The following NLGN4Y variants were observed in gnomAD, a reference collection of about 807,000 sequenced individuals.
NLGN4Y encodes neuroligin 4 Y-linked, also known as neuroligin-4, Y-linked.
Under a neutral mutation model 8.4 loss-of-function variants are expected in NLGN4Y, and 4 were observed. The ratio of observed to expected loss-of-function variants is 0.48; its 90% CI spans 0.23 to 1.09. The LOEUF (loss-of-function observed/expected upper bound fraction) is 1.09, where lower values mean the gene tolerates loss of function less well. NLGN4Y is among the 50% of genes least tolerant of loss of function. The pLI is 0.19. For missense variants in NLGN4Y, 90 were observed against 192.3 expected (o/e 0.47, Z 3.15); for synonymous variants, 35 against 75.6 (o/e 0.46, Z 2.78).
intron 1 of NLGN4Y, among the ~76,000 whole-genome samples, chrY:14,613,754 C>A: frequency 3.0e-5 from 1 of 33,671 alleles, no homozygotes; most frequent in Admixed American, 2.7e-4. Flanking sequence ...TACGTCCCTG[C>A]AAAGGACATG....
chrY:14,808,249 C>T, intron 4 of NLGN4Y, among the ~76,000 whole-genome samples: 2 of 33,381 alleles, frequency 6.0e-5, no homozygotes, highest in Non-Finnish European at 1.5e-4. Flanking sequence ...CCAGGCAGAC[C>T]TTGACCTCCT....
chrY:14,589,202 G>A (rs2150490314), intron 1 of NLGN4Y, among the ~76,000 whole-genome samples: 1 of 32,916 alleles, frequency 3.0e-5, no homozygotes, highest in Non-Finnish European at 7.5e-5. Flanking sequence ...GCTGATTGGT[G>A]CATTTACAGT....
chrY:14,592,086 T>G (rs1603500714), intron 1 of NLGN4Y, among the ~76,000 whole-genome samples: 1 of 31,673 alleles, frequency 3.2e-5, no homozygotes, highest in African/African-American at 1.3e-4. Context: ...AAGTTGAGAG[T>G]CTTGTAGAGG....
intron 2 of NLGN4Y, among the ~76,000 whole-genome samples, chrY:14,675,497 G>T (rs1603502606): frequency 1.2e-4 from 4 of 32,844 alleles, no homozygotes; most frequent in African/African-American, 2.4e-4. Context: ...CCATAGCACT[G>T]CTAGCATTAA....
chrY:14,736,037 A>G (rs2080990446), intron 4 of NLGN4Y, among the ~76,000 whole-genome samples: 1 of 32,654 alleles, frequency 3.1e-5, no homozygotes, highest in Non-Finnish European at 7.5e-5. Context: ...TACTCCAGAC[A>G]CCAGAGTGGA....
intron 2 of NLGN4Y, among the ~76,000 whole-genome samples, chrY:14,641,443 A>G (rs2080590546): frequency 6.0e-5 from 2 of 33,594 alleles, no homozygotes; most frequent in African/African-American, 1.2e-4. Flanking sequence ...GGAACTAAGA[A>G]CAGAAGCATG....
chrY:14,718,612 C>A, intron 2 of NLGN4Y, among the ~76,000 whole-genome samples: 1 of 33,717 alleles, frequency 3.0e-5, no homozygotes. Context: ...CCTCTTCCTG[C>A]ATTTTGCCTA....
intron 2 of NLGN4Y, chrY:14,639,963 C>T: frequency 8.2e-6 from 1 of 121,840 alleles, no homozygotes; most frequent in Non-Finnish European, 1.8e-5. Context: ...CTGGGCACAA[C>T]CGGAGCATGC....
At chrY:14,558,188 C>G (rs1036468532) in intron 1 of NLGN4Y, among the ~76,000 whole-genome samples, 6 of 32,986 alleles carry the variant, frequency 1.8e-4, no homozygotes, top group Non-Finnish European at 3.7e-4. Flanking sequence ...TGAGATTCAT[C>G]AGGAGGTCTT....
At chrY:14,722,711 C>CA (rs2080939399) in intron 3 of NLGN4Y, among the ~76,000 whole-genome samples, 3 of 20,181 alleles carry the variant, frequency 1.5e-4, no homozygotes, top group Admixed American at 1.4e-3. Flanking sequence ...ACTAAAAATA[C>CA]AAAAAATTAG....
chrY:14,528,165 C>T, intron 1 of NLGN4Y, among the ~76,000 whole-genome samples: 1 of 31,924 alleles, frequency 3.1e-5, no homozygotes, highest in Non-Finnish European at 7.6e-5. Context: ...TCACATGTCC[C>T]TGATGTATGG....
chrY:14,796,042 C>T (rs2043006474), intron 4 of NLGN4Y, among the ~76,000 whole-genome samples: 1 of 32,289 alleles, frequency 3.1e-5, no homozygotes, highest in Non-Finnish European at 7.5e-5. Context: ...TAAGTATTTG[C>T]ACTAACTTCT....
intron 2 of NLGN4Y, among the ~76,000 whole-genome samples, chrY:14,682,111 A>T (rs953181602): frequency 3.0e-5 from 1 of 33,450 alleles, no homozygotes; most frequent in Admixed American, 2.7e-4. Flanking sequence ...TGAAGGACAG[A>T]ATTTCTGATT....
At chrY:14,622,642 G>C (rs758632395) in intron 2 of NLGN4Y, 51 bp downstream of exon 2, 1 of 281,366 alleles carries the variant, frequency 3.6e-6, no homozygotes, top group Non-Finnish European at 5.6e-6. Context: ...AGTGTGTGGA[G>C]AGATTTACCA....
intron 1 of NLGN4Y, among the ~76,000 whole-genome samples, chrY:14,574,068 A>G (rs2080286701): frequency 3.0e-5 from 1 of 33,513 alleles, no homozygotes; most frequent in African/African-American, 1.2e-4. Context: ...AATAATGTAT[A>G]TTCTGTTGAT....
intron 2 of NLGN4Y, among the ~76,000 whole-genome samples, chrY:14,711,384 TTATCTC>T (rs2080898820): frequency 9.3e-5 from 3 of 32,132 alleles, no homozygotes; most frequent in Non-Finnish European, 1.5e-4. Context: ...AATACAGACT[TTATCTC>T]TATGTATGAG....
chrY:14,554,349 C>T, intron 1 of NLGN4Y, among the ~76,000 whole-genome samples: 1 of 29,320 alleles, frequency 3.4e-5, no homozygotes, highest in Non-Finnish European at 8.0e-5. Context: ...CCTGAGAGCA[C>T]AGGCATGTAC....
intron 1 of NLGN4Y, among the ~76,000 whole-genome samples, chrY:14,570,668 A>G: frequency 3.1e-5 from 1 of 32,056 alleles, no homozygotes; most frequent in East Asian, 8.2e-4. Context: ...ATATGCATAC[A>G]TGTGCTATGT....
At chrY:14,586,105 G>A in intron 1 of NLGN4Y, among the ~76,000 whole-genome samples, 1 of 32,986 alleles carries the variant, frequency 3.0e-5, no homozygotes, top group African/African-American at 1.2e-4. Context: ...AACATTTTGG[G>A]CAGTGGGTGG....
Sources: gnomAD v4.1 joint callset for allele counts (sites outside exome capture counted in the v4.1 genomes callset) on GRCh38, gnomAD v4.1.1 for gene constraint, MANE v1.5 for transcripts, NCBI Gene and HGNC (gene_info 2026-07-23, HGNC 2026-07-21) for gene names.